The following ANXA8 variants were observed in gnomAD, a reference collection of about 807,000 sequenced individuals.
ANXA8 encodes VAC-beta.
Under a neutral mutation model 26.8 loss-of-function variants are expected in ANXA8, and 9 were observed. The ratio of observed to expected loss-of-function variants is 0.34; its 90% CI spans 0.20 to 0.59. ANXA8 has a LOEUF of 0.59. ANXA8 is among the 20% of genes least tolerant of loss of function. The pLI is 0.84. For missense variants in ANXA8, 83 were observed against 238.5 expected (o/e 0.35, Z 4.29); for synonymous variants, 39 against 94.8 (o/e 0.41, Z 3.42).
upstream of ANXA8, among the ~76,000 whole-genome samples, chr10:47,485,682 A>G (rs1301436892): frequency 3.1e-4 from 47 of 152,090 alleles, no homozygotes; most frequent in South Asian, 9.5e-3. Flanking sequence ...TAATTAAAAA[A>G]TGTTAAGTTA....
At chr10:47,953,398 G>A in the ANXA8 span, among the ~76,000 whole-genome samples, 1 of 150,614 alleles carries the variant, frequency 6.6e-6, no homozygotes, top group Admixed American at 6.6e-5. Flanking sequence ...GAGGATGCCT[G>A]AACTTAAAGA....
chr10:47,587,061 T>G, the ANXA8 span, among the ~76,000 whole-genome samples: 1 of 147,062 alleles, frequency 6.8e-6, no homozygotes, highest in African/African-American at 2.7e-5. Flanking sequence ...AAAAATTAGC[T>G]GGGCACGGTG....
chr10:47,496,166 C>T, the ANXA8 span: 11 of 151,796 alleles, frequency 7.2e-5, no homozygotes, highest in Non-Finnish European at 1.2e-4. Context: ...AAGGGAGCCC[C>T]GAATGCTCTC....
At chr10:47,663,331 C>G in the ANXA8 span, among the ~76,000 whole-genome samples, 1 of 147,662 alleles carries the variant, frequency 6.8e-6, no homozygotes, top group South Asian at 2.1e-4. Flanking sequence ...TTTGTTTTAA[C>G]AAATATTTAT....
the ANXA8 span, among the ~76,000 whole-genome samples, chr10:47,546,213 GA>G: frequency 4.9e-3 from 601 of 122,346 alleles, 19 homozygotes; most frequent in African/African-American, 0.013. Context: ...TCTCCTCACA[GA>G]AAAAAAAAAA....
chr10:47,743,027 C>G, the ANXA8 span, among the ~76,000 whole-genome samples: 1 of 143,316 alleles, frequency 7.0e-6, no homozygotes, highest in South Asian at 2.2e-4. Context: ...AAAAATTAGC[C>G]GGGCGTGGTG....
At chr10:47,572,165 A>G in the ANXA8 span, among the ~76,000 whole-genome samples, 2 of 132,524 alleles carry the variant, frequency 1.5e-5, no homozygotes, top group South Asian at 5.2e-4. Context: ...GCCTCATGGA[A>G]TGAGTTGAGG....
the ANXA8 span, among the ~76,000 whole-genome samples, chr10:47,585,182 C>G: frequency 8.2e-6 from 1 of 121,904 alleles, no homozygotes; most frequent in Non-Finnish European, 1.6e-5. Context: ...GACAACGGCT[C>G]AAACCTGGGA....
chr10:47,694,417 C>CTTTTT, the ANXA8 span, among the ~76,000 whole-genome samples: 2 of 107,968 alleles, frequency 1.9e-5, no homozygotes, highest in African/African-American at 8.3e-5. Flanking sequence ...AGAAATCTTC[C>CTTTTT]TTTTTTTTTT....
chr10:47,954,149 A>G, the ANXA8 span, among the ~76,000 whole-genome samples: 3 of 150,668 alleles, frequency 2.0e-5, no homozygotes, highest in Admixed American at 1.3e-4. Context: ...CTAATTGTTC[A>G]ACAATAGACA....
At chr10:47,956,583 T>C in the ANXA8 span, among the ~76,000 whole-genome samples, 686 of 149,926 alleles carry the variant, frequency 4.6e-3, 15 homozygotes, top group African/African-American at 0.016. Flanking sequence ...TTTCTTCCAT[T>C]GGCCATTTTC....
At chr10:47,779,191 T>C in the ANXA8 span, among the ~76,000 whole-genome samples, 1 of 119,078 alleles carries the variant, frequency 8.4e-6, no homozygotes, top group South Asian at 3.1e-4. Flanking sequence ...TCTGCCTTCC[T>C]CGGGCTAGCT....
the ANXA8 span, among the ~76,000 whole-genome samples, chr10:47,944,010 A>G: frequency 3.4e-5 from 5 of 147,732 alleles, 1 homozygote; most frequent in African/African-American, 1.3e-4. Flanking sequence ...CTCACTCACC[A>G]TGGCTCCCCA....
the ANXA8 span, among the ~76,000 whole-genome samples, chr10:47,738,095 CT>C: frequency 6.6e-5 from 10 of 151,044 alleles, no homozygotes; most frequent in African/African-American, 2.5e-4. Context: ...GTTTTTCCCA[CT>C]TTTTGGTTAT....
At chr10:47,932,794 G>A in the ANXA8 span, among the ~76,000 whole-genome samples, 2 of 78,912 alleles carry the variant, frequency 2.5e-5, 1 homozygote, top group South Asian at 1.1e-3. Flanking sequence ...ATGTCCATCT[G>A]CAACCCAGGA....
At chr10:47,660,486 T>C in the ANXA8 span, among the ~76,000 whole-genome samples, 9 of 151,356 alleles carry the variant, frequency 5.9e-5, no homozygotes, top group South Asian at 2.1e-4. Context: ...CTGCATCCTC[T>C]GCCTCCTAGG....
the ANXA8 span, chr10:47,565,233 C>G: frequency 1.7e-6 from 1 of 596,042 alleles, no homozygotes; most frequent in Admixed American, 2.9e-5. Flanking sequence ...AGCCCTGCGG[C>G]CGGGGCCCCA....
At chr10:47,950,670 C>T in the ANXA8 span, among the ~76,000 whole-genome samples, 1 of 150,520 alleles carries the variant, frequency 6.6e-6, no homozygotes, top group Non-Finnish European at 1.5e-5. Flanking sequence ...AAGTTAATAG[C>T]AGAAGGATAT....
At chr10:47,975,025 G>T in the ANXA8 span, among the ~76,000 whole-genome samples, 1 of 149,746 alleles carries the variant, frequency 6.7e-6, no homozygotes, top group African/African-American at 2.4e-5. Flanking sequence ...AAGACAAGAT[G>T]TGTCTGGATT....
Sources: allele counts gnomAD v4.1 joint callset (sites outside exome capture counted in the v4.1 genomes callset), GRCh38; gene constraint gnomAD v4.1.1; transcripts MANE v1.5; gene names NCBI Gene and HGNC (gene_info 2026-07-23, HGNC 2026-07-21).